The following HSD17B12 variants were observed in gnomAD, a reference collection of about 807,000 sequenced individuals.
The protein encoded by HSD17B12 is very-long-chain 3-oxoacyl-CoA reductase.
HSD17B12 carries 32 observed loss-of-function variants against 39.3 expected under a neutral mutation model. The ratio of observed to expected loss-of-function variants is 0.81; its 90% CI spans 0.61 to 1.09. The LOEUF (loss-of-function observed/expected upper bound fraction) is 1.09, where lower values mean the gene tolerates loss of function less well. Among genes scored for constraint, HSD17B12 ranks in the 50% least tolerant of loss-of-function variants. The probability of loss-of-function intolerance (pLI) is 0.00; values close to 1 mark genes in which losing one functional copy is unlikely to be tolerated. For synonymous variants in HSD17B12, 150 were observed against 146.7 expected (o/e 1.02, Z -0.16); for missense variants, 342 against 382.9 (o/e 0.89, Z 0.89).
chr11:43,613,765 CA>C, the HSD17B12 span, among the ~76,000 whole-genome samples: 1 of 151,870 alleles, frequency 6.6e-6, no homozygotes, highest in African/African-American at 2.4e-5. Context: ...CTCCTGGGTT[CA>C]AGCGATTCCC....
chr11:43,661,267 A>G, the HSD17B12 span, among the ~76,000 whole-genome samples: 1 of 152,238 alleles, frequency 6.6e-6, no homozygotes, highest in Non-Finnish European at 1.5e-5. Flanking sequence ...AGGCAACACT[A>G]GAATGACAGC....
In HSD17B12 at chr11:43,742,141, T is replaced by TATATATATA. The variant is rs1355652690; in HGVS notation, c.161-8770_161-8769insATATATATA. Among the ~76,000 whole-genome samples, 3 of 124,294 alleles carry TATATATATA rather than the reference T, an allele frequency of 2.4e-5. No individual in the cohort carries two copies. The South Asian group carries it at 7.8e-4, about 32-fold the overall frequency. The allele number at this position is 124,294 out of a possible 152,430, so 81.5% of individuals were successfully genotyped here. ...TATATATATATATATATATATATAT[T>TATATATATA]TTTTTTTTTAAATTGAGACAGGATC... On this transcript the variant is annotated intron_variant, in intron 1 of 10. Coordinates refer to ENST00000278353, the MANE Select transcript of HSD17B12 (RefSeq NM_016142.3).
At chr11:43,829,089 A>G (rs1951280139) in intron 6 of HSD17B12, among the ~76,000 whole-genome samples, 1 of 152,356 alleles carries the variant, frequency 6.6e-6, no homozygotes, top group Admixed American at 6.5e-5. Flanking sequence ...GATTAAAAAA[A>G]GATGTTACAT....
At chr11:43,619,968 G>A in the HSD17B12 span, among the ~76,000 whole-genome samples, 14 of 152,218 alleles carry the variant, frequency 9.2e-5, no homozygotes, top group Non-Finnish European at 7.3e-5. Context: ...TCCATGGGAG[G>A]TTTTGAAGTC....
At chr11:43,832,071 G>C (rs1200035724) in intron 7 of HSD17B12, among the ~76,000 whole-genome samples, 1 of 152,200 alleles carries the variant, frequency 6.6e-6, no homozygotes, top group East Asian at 1.9e-4. Context: ...ACTATTTTGT[G>C]TATTTTAATT....
At position 43,856,575 on chromosome 11, in the gene HSD17B12, G is replaced by A. The variant is rs1292708224; in HGVS notation, c.*1327G>A. 2 of 152,102 alleles carry A rather than the reference G, an allele frequency of 1.3e-5. No individual in the cohort carries two copies. Among genetic ancestry groups the A allele is most frequent in the Admixed American group, 6.5e-5 (1 of 15,268 alleles). The allele number at this position is 152,102 out of a possible 1,614,324, so 9.4% of individuals were successfully genotyped here. On this transcript the variant is annotated 3_prime_UTR_variant, in exon 11 of 11. Transcript: ENST00000278353. ...GGAAGAATGTAATCTCAGAATAAAG[G>A]TTGTCATTTAAGTTGAATAAATATA... is the stretch of plus-strand genomic sequence containing the variant.
chr11:43,775,249 C>T (rs77440406), intron 3 of HSD17B12, among the ~76,000 whole-genome samples: 7 of 152,016 alleles, frequency 4.6e-5, no homozygotes, highest in African/African-American at 1.7e-4. Context: ...CCATGAACAG[C>T]GGAGTCAATT....
chr11:43,757,903 T>C (rs1434235465), intron 3 of HSD17B12, among the ~76,000 whole-genome samples: 1 of 152,062 alleles, frequency 6.6e-6, no homozygotes, highest in Non-Finnish European at 1.5e-5. Flanking sequence ...GTAACAAAAC[T>C]GGAGCCTTAC....
chr11:43,672,548 T>TTTTG, the HSD17B12 span, among the ~76,000 whole-genome samples: 36 of 152,130 alleles, frequency 2.4e-4, no homozygotes, highest in African/African-American at 8.7e-4. Context: ...TAATAGGTGT[T>TTTTG]TTTGTTTGTT....
chr11:43,670,473 G>A, the HSD17B12 span: 2 of 152,182 alleles, frequency 1.3e-5, no homozygotes, highest in Admixed American at 6.5e-5. Context: ...GAATGGACTA[G>A]GGTAGGTTTT....
chr11:43,570,366 T>C, the HSD17B12 span: 1 of 152,342 alleles, frequency 6.6e-6, no homozygotes, highest in African/African-American at 2.4e-5. Flanking sequence ...TCTAGATTTT[T>C]TTCTCCAATT....
chr11:43,723,682 G>T (rs931037477), intron 1 of HSD17B12, among the ~76,000 whole-genome samples: 1 of 152,090 alleles, frequency 6.6e-6, no homozygotes, highest in African/African-American at 2.4e-5. Flanking sequence ...CTAACAAAAC[G>T]TTCAGTTTTT....
the HSD17B12 span, among the ~76,000 whole-genome samples, chr11:43,633,918 T>C: frequency 6.6e-6 from 1 of 150,800 alleles, no homozygotes; most frequent in African/African-American, 2.4e-5. Flanking sequence ...CTACTAAAAG[T>C]GCAAAATTAC....
chr11:43,851,314 T>G (rs1951528369), intron 9 of HSD17B12, among the ~76,000 whole-genome samples: 1 of 152,120 alleles, frequency 6.6e-6, no homozygotes, highest in African/African-American at 2.4e-5. Flanking sequence ...GCCCACAATT[T>G]CCTATAAAAG....
the HSD17B12 span, among the ~76,000 whole-genome samples, chr11:43,558,093 AT>A: frequency 6.6e-6 from 1 of 152,132 alleles, no homozygotes; most frequent in Non-Finnish European, 1.5e-5. Context: ...TCCTGAGAAG[AT>A]TAGTTTTGAC....
At chr11:43,660,691 G>A in the HSD17B12 span, among the ~76,000 whole-genome samples, 6 of 152,120 alleles carry the variant, frequency 3.9e-5, no homozygotes, top group Non-Finnish European at 1.5e-5. Flanking sequence ...TTACCCAAAG[G>A]AAATTAAGCT....
At chr11:43,620,755 G>T in the HSD17B12 span, among the ~76,000 whole-genome samples, 1 of 152,186 alleles carries the variant, frequency 6.6e-6, no homozygotes, top group African/African-American at 2.4e-5. Flanking sequence ...TATTTAGAAG[G>T]CTGAGCAGCC....
At chr11:43,756,299 A>T (rs1309711416) in intron 3 of HSD17B12, among the ~76,000 whole-genome samples, 1 of 152,098 alleles carries the variant, frequency 6.6e-6, no homozygotes, top group African/African-American at 2.4e-5. Flanking sequence ...GATATACAAT[A>T]TATCTTTGGC....
chr11:43,794,291 A>G (rs988326817), intron 3 of HSD17B12, among the ~76,000 whole-genome samples: 1 of 152,222 alleles, frequency 6.6e-6, no homozygotes. Flanking sequence ...TTAAGAATTT[A>G]CAACCACAAG....
Sources: gnomAD v4.1 joint callset for allele counts (sites outside exome capture counted in the v4.1 genomes callset) on GRCh38, gnomAD v4.1.1 for gene constraint, MANE v1.5 for transcripts, NCBI Gene and HGNC (gene_info 2026-07-23, HGNC 2026-07-21) for gene names.